Variants in TENM3 observed in about 807,000 individuals in gnomAD.
The protein encoded by TENM3 is teneurin transmembrane protein 3.
A neutral mutation model predicts 255.1 loss-of-function variants in TENM3; 63 were observed. The ratio of observed to expected loss-of-function variants is 0.25; its 90% CI spans 0.20 to 0.30. The LOEUF (loss-of-function observed/expected upper bound fraction) is 0.30, where lower values mean the gene tolerates loss of function less well. TENM3 is among the 10% of genes least tolerant of loss of function. TENM3 has a pLI of 1.00. For missense variants in TENM3, 2,929 were observed against 3,461.1 expected (o/e 0.85, Z 3.86); for synonymous variants, 1,306 against 1,322.3 (o/e 0.99, Z 0.27).
the TENM3 span, among the ~76,000 whole-genome samples, chr4:181,815,315 A>G: frequency 2.0e-5 from 3 of 151,402 alleles, no homozygotes; most frequent in African/African-American, 7.3e-5. Flanking sequence ...AAAAAAATCT[A>G]TCTGGGCATG....
At chr4:182,618,538 T>C (rs17258738) in intron 4 of TENM3, among the ~76,000 whole-genome samples, 30,648 of 151,860 alleles carry the variant, frequency 0.2, 3,598 homozygotes, top group Non-Finnish European at 0.27. Flanking sequence ...ATGGTAAGTT[T>C]TATGCTTATT....
In TENM3 at chr4:182,755,267, T is replaced by A; in HGVS notation, c.4892+8T>A. The A allele has an allele frequency of 6.3e-7, 1 of 1,576,276 alleles. No homozygotes were observed. The highest frequency in any genetic ancestry group is 8.6e-7 in the Non-Finnish European group (1 of 1,168,292). ...ATGGACAACGTTTTTTGAGTAAGTA[T>A]ATGAAAATTCTACTCTGATTATAAA... On this transcript the variant is annotated splice_region_variant and intron_variant, in intron 22 of 27. Transcript: ENST00000511685.
the TENM3 span, among the ~76,000 whole-genome samples, chr4:181,457,091 C>T: frequency 6.6e-6 from 1 of 151,808 alleles, no homozygotes; most frequent in Non-Finnish European, 1.5e-5. Flanking sequence ...TGAAACAAAA[C>T]ACTGCAAGAG....
the TENM3 span, among the ~76,000 whole-genome samples, chr4:181,688,898 G>A: frequency 1.3e-5 from 2 of 152,188 alleles, no homozygotes; most frequent in Non-Finnish European, 2.9e-5. Flanking sequence ...TCCCTTTCAC[G>A]GGACCCCATT....
chr4:182,550,739 A>T (rs1741914804), intron 3 of TENM3, among the ~76,000 whole-genome samples: 1 of 151,174 alleles, frequency 6.6e-6, no homozygotes, highest in South Asian at 2.1e-4. Context: ...GAAGATGTCT[A>T]TTTTTTTTTA....
chr4:182,151,230 G>C (rs1446462293), intron 1 of TENM3, among the ~76,000 whole-genome samples: 1 of 152,108 alleles, frequency 6.6e-6, no homozygotes, highest in Non-Finnish European at 1.5e-5. Context: ...AGACAGGATT[G>C]AATTATTAGA....
At chr4:181,595,830 T>G in the TENM3 span, among the ~76,000 whole-genome samples, 1 of 152,118 alleles carries the variant, frequency 6.6e-6, no homozygotes, top group Admixed American at 6.5e-5. Flanking sequence ...TGGAACTCCA[T>G]TCTCTCAAAT....
rs114655213 is a variant in TENM3 at position 182,201,744 on chromosome 4, G to A, written c.-76+56990G>A. On this transcript the variant is annotated intron_variant, in intron 1 of 2. Coordinates refer to the TENM3 transcript ENST00000512480. ...TAGAAACAAAATACACATAGCATTCGTCTCATCATGGGGCTCTTGAAGTCA... is the reference window on the plus strand; with the variant it reads ...TAGAAACAAAATACACATAGCATTCATCTCATCATGGGGCTCTTGAAGTCA... Among the ~76,000 whole-genome samples the A allele has an allele frequency of 2.6e-3, 396 of 152,208 alleles. 7 individuals are homozygous for A. The highest frequency in any genetic ancestry group is 0.017 in the Middle Eastern group (5 of 294).
At chr4:182,585,630 T>A (rs1408113194) in intron 3 of TENM3, among the ~76,000 whole-genome samples, 2 of 152,218 alleles carry the variant, frequency 1.3e-5, no homozygotes, top group African/African-American at 4.8e-5. Flanking sequence ...TTCTGGTCTC[T>A]AGAACTGTGA....
intron 13 of TENM3, among the ~76,000 whole-genome samples, chr4:182,726,653 G>A (rs746903988): frequency 1.6e-4 from 25 of 152,194 alleles, no homozygotes; most frequent in Non-Finnish European, 1.0e-4. Flanking sequence ...GGCCGGATAC[G>A]CAAACGAAAA....
At chr4:182,612,097 G>C (rs549023307) in intron 4 of TENM3, among the ~76,000 whole-genome samples, 1 of 151,582 alleles carries the variant, frequency 6.6e-6, no homozygotes, top group Admixed American at 6.6e-5. Context: ...GTGAAACCCC[G>C]TCTCTACTAA....
At chr4:181,627,219 C>T in the TENM3 span, among the ~76,000 whole-genome samples, 1 of 152,070 alleles carries the variant, frequency 6.6e-6, no homozygotes, top group Non-Finnish European at 1.5e-5. Flanking sequence ...AATATTAGAC[C>T]TGCTATACAC....
the TENM3 span, among the ~76,000 whole-genome samples, chr4:181,586,170 G>A: frequency 2.0e-5 from 3 of 152,184 alleles, no homozygotes; most frequent in South Asian, 2.1e-4. Context: ...TGATATCTCA[G>A]CCTTGAAGAT....
At chr4:181,887,408 T>C in the TENM3 span, among the ~76,000 whole-genome samples, 6 of 152,342 alleles carry the variant, frequency 3.9e-5, 1 homozygote, top group African/African-American at 1.2e-4. Flanking sequence ...TTTCTCTTTA[T>C]TAGGAAAGTA....
chr4:182,512,359 G>A (rs114753437), intron 3 of TENM3, among the ~76,000 whole-genome samples: 2 of 152,224 alleles, frequency 1.3e-5, no homozygotes, highest in Admixed American at 6.5e-5. Flanking sequence ...AAGAGCCCAC[G>A]TCTGAGTTAC....
chr4:181,951,711 G>A, the TENM3 span, among the ~76,000 whole-genome samples: 7 of 152,044 alleles, frequency 4.6e-5, no homozygotes, highest in African/African-American at 9.7e-5. Flanking sequence ...TGTTCACTGT[G>A]GTCAAAAAAG....
the TENM3 span, among the ~76,000 whole-genome samples, chr4:181,717,655 G>GTAACCTAGAA: frequency 6.6e-6 from 1 of 152,220 alleles, no homozygotes; most frequent in Non-Finnish European, 1.5e-5. Context: ...GAATAGCACA[G>GTAACCTAGAA]TAACCTAGAA....
At chr4:182,570,817 G>C (rs1029573182) in intron 3 of TENM3, among the ~76,000 whole-genome samples, 1 of 145,986 alleles carries the variant, frequency 6.8e-6, no homozygotes, top group African/African-American at 2.5e-5. Context: ...GTGACAGTGC[G>C]AGACTCTGTG....
intron 3 of TENM3, among the ~76,000 whole-genome samples, chr4:182,447,790 G>T (rs1048302058): frequency 6.6e-6 from 1 of 152,110 alleles, no homozygotes; most frequent in African/African-American, 2.4e-5. Context: ...TTGGAAGAAA[G>T]CACCGGTGAA....
Sources: allele counts gnomAD v4.1 joint callset (sites outside exome capture counted in the v4.1 genomes callset), GRCh38; gene constraint gnomAD v4.1.1; transcripts MANE v1.5; gene names NCBI Gene and HGNC (gene_info 2026-07-23, HGNC 2026-07-21).